ARPP21: variants seen among roughly 807,000 people sequenced by gnomAD.
ARPP21 encodes the protein cAMP regulated phosphoprotein 21, also known as cAMP-regulated phosphoprotein 21.
A neutral mutation model predicts 113.2 loss-of-function variants in ARPP21; 69 were observed. The observed-to-expected ratio is 0.61, with a 90% confidence interval of 0.50 to 0.74. The LOEUF (loss-of-function observed/expected upper bound fraction) is 0.74. ARPP21 is among the 30% of genes least tolerant of loss of function. The pLI, the probability that ARPP21 is intolerant of heterozygous loss-of-function variation, is 0.00. For missense variants in ARPP21, 1,070 were observed against 1,037.4 expected (o/e 1.03, Z -0.43); for synonymous variants, 368 against 375.5 (o/e 0.98, Z 0.23).
intron 19 of ARPP21, among the ~76,000 whole-genome samples, chr3:35,763,242 GTTC>G (rs753649678): frequency 1.3e-5 from 2 of 152,078 alleles, no homozygotes; most frequent in East Asian, 1.9e-4. Flanking sequence ...TTGATTAATA[GTTC>G]TCTTACCTGC....
intron 19 of ARPP21, among the ~76,000 whole-genome samples, chr3:35,778,128 T>C (rs1218709386): frequency 2.0e-5 from 3 of 152,198 alleles, no homozygotes; most frequent in African/African-American, 4.8e-5. Context: ...AAAAGCGTTG[T>C]TCATCTCTTT....
chr3:35,707,903 T>C (rs1287398303), intron 10 of ARPP21, among the ~76,000 whole-genome samples: 1 of 152,044 alleles, frequency 6.6e-6, no homozygotes, highest in Non-Finnish European at 1.5e-5. Context: ...TAGAAAGTCA[T>C]ATAAATGCCA....
chr3:35,650,488 G>A (rs1001547129), intron 1 of ARPP21: 4 of 151,960 alleles, frequency 2.6e-5, no homozygotes, highest in Non-Finnish European at 5.9e-5. Flanking sequence ...ACAATATCTT[G>A]GATGATAAAG....
In ARPP21 at chr3:35,787,636, C is replaced by A. The variant is rs116146700; in HGVS notation, c.2138-4746C>A. 3.1e-3 allele frequency among the ~76,000 whole-genome samples: 467 copies of A among 152,262 alleles called. 2 individuals carry two copies. Among genetic ancestry groups the A allele is most frequent in the African/African-American group, 0.01 (433 of 41,550 alleles). ...GGCAGTCATGTTTTACATTTAATTT[C>A]TCTTGTTTTTCTTTATTTGATATTA... On this transcript the variant is annotated intron_variant, in intron 19 of 20. Transcript: ENST00000684406.
intron 19 of ARPP21, among the ~76,000 whole-genome samples, chr3:35,789,981 G>A (rs1425717240): frequency 6.6e-6 from 1 of 152,086 alleles, no homozygotes; most frequent in African/African-American, 2.4e-5. Flanking sequence ...GATTCAATAA[G>A]GAAATACGTA....
intron 19 of ARPP21, among the ~76,000 whole-genome samples, chr3:35,791,733 A>G (rs974728182): frequency 6.6e-6 from 1 of 152,192 alleles, no homozygotes; most frequent in Non-Finnish European, 1.5e-5. Flanking sequence ...TTGGTCACAT[A>G]TTGGAGTATT....
intron 19 of ARPP21, chr3:35,781,641 C>G (rs534138597): frequency 6.6e-6 from 1 of 152,180 alleles, no homozygotes; most frequent in Admixed American, 6.5e-5. Context: ...CTTGCTGTTA[C>G]CAAGGAAAAT....
intron 15 of ARPP21, among the ~76,000 whole-genome samples, chr3:35,732,568 G>T (rs2094060719): frequency 6.6e-6 from 1 of 152,166 alleles, no homozygotes; most frequent in African/African-American, 2.4e-5. Context: ...GCCTCCTTTT[G>T]GAAATTTTTA....
rs1575853697 is a variant in ARPP21, at chr3:35,690,206, T to A, written c.545+66T>A. On this transcript the variant is annotated intron_variant, in intron 8 of 20. Coordinates refer to ENST00000684406, the MANE Select transcript of ARPP21 (RefSeq NM_001385562.1). ...CTAGTTTGGTATTGGAGTTAAATTGTCCATTCTGGAAAGACTTAGGGATAG... is the reference window on the plus strand; with the variant it reads ...CTAGTTTGGTATTGGAGTTAAATTGACCATTCTGGAAAGACTTAGGGATAG... 2.2e-5 allele frequency: 18 copies of A among 813,402 alleles called. No homozygotes were observed. The East Asian group carries it at 4.4e-4, about 20-fold the overall frequency. The allele number at this position is 813,402 out of a possible 1,614,324, so 50.4% of individuals were successfully genotyped here.
chr3:35,759,672 C>CTG (rs1468740553), intron 19 of ARPP21, among the ~76,000 whole-genome samples: 8,734 of 119,522 alleles, frequency 0.073, 521 homozygotes, highest in African/African-American at 0.18. Flanking sequence ...TTCATTTTCT[C>CTG]TCTCTGTGTG....
intron 14 of ARPP21, among the ~76,000 whole-genome samples, chr3:35,724,254 G>A (rs1161882473): frequency 6.6e-6 from 1 of 152,176 alleles, no homozygotes; most frequent in East Asian, 1.9e-4. Flanking sequence ...CATTTCTGGA[G>A]GCAGATGATG....
intron 1 of ARPP21, among the ~76,000 whole-genome samples, chr3:35,667,852 AGAAGAAGAAG>A: frequency 8.8e-6 from 1 of 113,886 alleles, no homozygotes; most frequent in South Asian, 3.1e-4. Flanking sequence ...AAGAAGAAGA[AGAAGAAGAAG>A]AAGAAGAAGA....
chr3:35,684,173 G>T, intron 5 of ARPP21: 1 of 1,374,998 alleles, frequency 7.3e-7, no homozygotes, highest in Non-Finnish European at 9.5e-7. Flanking sequence ...CTCCTTCCTT[G>T]TTGGAGATGT....
intron 15 of ARPP21, among the ~76,000 whole-genome samples, chr3:35,733,822 T>C (rs2094162949): frequency 6.6e-6 from 1 of 152,216 alleles, no homozygotes; most frequent in South Asian, 2.1e-4. Context: ...CTGCCATCTC[T>C]CTCTACTTAA....
At chr3:35,757,253 C>A (rs922133149) in intron 19 of ARPP21, among the ~76,000 whole-genome samples, 2 of 151,638 alleles carry the variant, frequency 1.3e-5, no homozygotes, top group African/African-American at 4.8e-5. Context: ...TGTAAAGATA[C>A]GGTCTTGTTA....
At chr3:35,690,787 T>C (rs2082022969) in intron 8 of ARPP21, 78 bp from the exon 9 acceptor site, 2 of 1,310,266 alleles carry the variant, frequency 1.5e-6, no homozygotes. Context: ...GAAATAGTTT[T>C]GTGTGTATAC....
intron 13 of ARPP21, among the ~76,000 whole-genome samples, chr3:35,718,121 C>G (rs985189526): frequency 6.6e-6 from 1 of 152,068 alleles, no homozygotes; most frequent in Non-Finnish European, 1.5e-5. Flanking sequence ...AAACTCTTAT[C>G]CACTTAAAAG....
At position 35,787,872 on chromosome 3, in the gene ARPP21, C is replaced by A. The variant is rs76615407; in HGVS notation, c.2138-4510C>A. The stretch of plus-strand genomic sequence containing the variant: ...AAGCAAGGATGCCAAAGTCAGAAAA[C>A]CACAATTTAAATTTTAGCTACAATT... On this transcript the variant is annotated intron_variant, in intron 19 of 20. Coordinates refer to ENST00000684406, the MANE Select transcript of ARPP21 (RefSeq NM_001385562.1). Among the ~76,000 whole-genome samples the A allele has an allele frequency of 1.6e-3, 249 of 152,180 alleles. 1 individual carries two copies. The Middle Eastern group carries it at 0.037, about 23-fold the overall frequency.
At chr3:35,679,991 A>G (rs1218660377) in intron 2 of ARPP21, 31 bp downstream of exon 2, 2 of 152,278 alleles carry the variant, frequency 1.3e-5, no homozygotes, top group Admixed American at 6.6e-5. Context: ...CTGTCATCTC[A>G]TCTGCATTTT....
Sources: allele counts gnomAD v4.1 joint callset (sites outside exome capture counted in the v4.1 genomes callset), GRCh38; gene constraint gnomAD v4.1.1; transcripts MANE v1.5; gene names NCBI Gene and HGNC (gene_info 2026-07-23, HGNC 2026-07-21).